ASRGL1: variants seen among roughly 807,000 people sequenced by gnomAD.
The protein encoded by ASRGL1 is isoaspartyl peptidase/L-asparaginase.
Under a neutral mutation model 22.4 loss-of-function variants are expected in ASRGL1, and 16 were observed. That is an observed-to-expected ratio of 0.71 (90% CI 0.48 to 1.08). ASRGL1 has a LOEUF of 1.08. ASRGL1 is among the 50% of genes least tolerant of loss of function. The pLI is 0.00. For synonymous variants in ASRGL1, 165 were observed against 159.3 expected (o/e 1.04, Z -0.27); for missense variants, 412 against 410.1 (o/e 1.00, Z -0.04).
chr11:62,389,311 A>G (rs750846061), intron 5 of ASRGL1, 60 bp downstream of exon 5: 2 of 1,430,298 alleles, frequency 1.4e-6, no homozygotes, highest in Non-Finnish European at 2.0e-6. Context: ...GGCTTTCCTC[A>G]CTCTCTATTC....
intron 4 of ASRGL1, among the ~76,000 whole-genome samples, chr11:62,386,723 A>G (rs1044777009): frequency 3.9e-5 from 6 of 152,144 alleles, no homozygotes; most frequent in African/African-American, 1.4e-4. Flanking sequence ...TGGAATGTGC[A>G]TATCATCAGT....
intron 4 of ASRGL1, 106 bp from the exon 5 acceptor site, chr11:62,389,027 C>T: frequency 2.1e-6 from 2 of 936,446 alleles, no homozygotes; most frequent in African/African-American, 1.6e-5. Context: ...ATGGGTGCCC[C>T]ATCAACATAT....
At chr11:62,343,844 C>G (rs942089084) in intron 2 of ASRGL1, among the ~76,000 whole-genome samples, 1 of 150,134 alleles carries the variant, frequency 6.7e-6, no homozygotes, top group Non-Finnish European at 1.5e-5. Flanking sequence ...TGGAATCTTA[C>G]GATGTTGATT....
intron 4 of ASRGL1, chr11:62,372,938 G>A: frequency 6.5e-7 from 1 of 1,532,674 alleles, no homozygotes; most frequent in Non-Finnish European, 9.0e-7. Context: ...GCATCATTGT[G>A]GCAGCCGATG....
At chr11:62,372,103 C>T (rs1946787651) in intron 4 of ASRGL1, 3 of 781,640 alleles carry the variant, frequency 3.8e-6, no homozygotes, top group Non-Finnish European at 7.0e-6. Context: ...ACAGCCTCCT[C>T]ATCACCACAG....
intron 2 of ASRGL1, among the ~76,000 whole-genome samples, chr11:62,343,144 G>A (rs369796304): frequency 3.1e-4 from 47 of 152,188 alleles, no homozygotes; most frequent in African/African-American, 9.4e-4. Context: ...TTGGGAGGCC[G>A]AGGCAGGCGG....
intron 4 of ASRGL1, chr11:62,371,979 C>G: frequency 1.6e-6 from 1 of 622,324 alleles, no homozygotes; most frequent in Admixed American, 2.8e-5. Flanking sequence ...AAAAAAGTTC[C>G]TAAACAGGAA....
chr11:62,362,856 A>G (rs1287847058), intron 4 of ASRGL1, among the ~76,000 whole-genome samples: 39 of 114,136 alleles, frequency 3.4e-4, no homozygotes, highest in African/African-American at 1.3e-3. Context: ...CCATATAAAT[A>G]TATATATGTG....
intron 4 of ASRGL1, among the ~76,000 whole-genome samples, chr11:62,385,845 C>G (rs902626982): frequency 6.6e-6 from 1 of 151,984 alleles, no homozygotes; most frequent in Non-Finnish European, 1.5e-5. Context: ...GCATGGGCAA[C>G]AAGAGCAAAA....
chr11:62,396,620 C>T (rs1049041974), downstream of ASRGL1, among the ~76,000 whole-genome samples: 1 of 152,232 alleles, frequency 6.6e-6, no homozygotes, highest in African/African-American at 2.4e-5. Flanking sequence ...GGGCCCCAGG[C>T]GAAAAGCAAG....
chr11:62,392,224 G>A lies in ASRGL1; in HGVS notation c.867G>A (p.Lys289=), dbSNP rs145379105. ...CCTCCATGCCCTGGGCAGCCGCCAAGGACGGCAAGCTGCACTTCGGAATTG... is the reference window on the plus strand; with the variant it reads ...CCTCCATGCCCTGGGCAGCCGCCAAAGACGGCAAGCTGCACTTCGGAATTG... The part of the protein sequence containing the change: ...TSTSMPWAAA[K]DGKLHFGIDP... Residue 289 remains lysine (K), a synonymous_variant, in exon 7 of 7, where the codon AAG becomes AAA. Coordinates refer to ENST00000415229, the MANE Select transcript of ASRGL1 (RefSeq NM_001083926.2). 1,810 of 1,614,208 alleles carry A rather than the reference G, an allele frequency of 1.1e-3. 7 individuals carry two copies. In the Middle Eastern group the frequency reaches 0.014, roughly 13 times the overall value.
intron 2 of ASRGL1, among the ~76,000 whole-genome samples, chr11:62,339,646 A>G (rs1052185221): frequency 2.6e-5 from 4 of 152,218 alleles, no homozygotes; most frequent in African/African-American, 9.6e-5. Context: ...GTTAACTCAT[A>G]ATGAACATTA....
the ASRGL1 span, among the ~76,000 whole-genome samples, chr11:62,400,345 G>A: frequency 7.2e-5 from 11 of 152,316 alleles, no homozygotes; most frequent in African/African-American, 1.9e-4. Flanking sequence ...TTCATAAGCC[G>A]TCGGTAAATG....
At chr11:62,356,695 A>G (rs951214049) in intron 3 of ASRGL1, among the ~76,000 whole-genome samples, 1 of 152,228 alleles carries the variant, frequency 6.6e-6, no homozygotes, top group African/African-American at 2.4e-5. Flanking sequence ...ACCACATACA[A>G]ACTGACCAGA....
chr11:62,389,469 T>C, intron 5 of ASRGL1: 1 of 617,180 alleles, frequency 1.6e-6, no homozygotes, highest in South Asian at 1.6e-5. Context: ...TTTACTAGAT[T>C]GCATGCCTTT....
At chr11:62,352,205 A>G (rs1320546249) in intron 2 of ASRGL1, among the ~76,000 whole-genome samples, 18 of 152,234 alleles carry the variant, frequency 1.2e-4, no homozygotes. Context: ...AGGAGACACC[A>G]GAGAGCTTGC....
chr11:62,362,543 A>T (rs1485523624), intron 4 of ASRGL1, among the ~76,000 whole-genome samples: 1 of 40,794 alleles, frequency 2.5e-5, no homozygotes, highest in South Asian at 7.9e-4. Context: ...TATTATATAA[A>T]ATATATAACA....
At chr11:62,357,391 A>C (rs371555089) in intron 4 of ASRGL1, among the ~76,000 whole-genome samples, 38 of 149,400 alleles carry the variant, frequency 2.5e-4, no homozygotes, top group African/African-American at 9.4e-4. Context: ...CTGGGACTAC[A>C]GGCACACACC....
chr11:62,399,787 C>A, the ASRGL1 span, among the ~76,000 whole-genome samples: 1 of 152,194 alleles, frequency 6.6e-6, no homozygotes, highest in African/African-American at 2.4e-5. Context: ...GCACAAGCAG[C>A]ATCAGGACTA....
Sources: gnomAD v4.1 joint callset for allele counts (sites outside exome capture counted in the v4.1 genomes callset) on GRCh38, gnomAD v4.1.1 for gene constraint, MANE v1.5 for transcripts, NCBI Gene and HGNC (gene_info 2026-07-23, HGNC 2026-07-21) for gene names.